The following RET variants were observed in gnomAD, a reference collection of about 807,000 sequenced individuals.
RET encodes the protein ret proto-oncogene, also known as proto-oncogene tyrosine-protein kinase receptor Ret.
A neutral mutation model predicts 118.3 loss-of-function variants in RET; 19 were observed. That is an observed-to-expected ratio of 0.16 (90% confidence interval 0.11 to 0.24). The LOEUF is 0.24. Among genes scored for constraint, RET ranks in the 10% least tolerant of loss-of-function variants. RET has a pLI of 1.00. For missense variants in RET, 1,219 were observed against 1,502.1 expected (o/e 0.81, Z 3.12); for synonymous variants, 597 against 644.1 (o/e 0.93, Z 1.11).
At chr10:43,123,376 A>G (rs1438329377) in intron 16 of RET, among the ~76,000 whole-genome samples, 1 of 152,200 alleles carries the variant, frequency 6.6e-6, no homozygotes, top group Non-Finnish European at 1.5e-5. Flanking sequence ...TAATTCATTA[A>G]TCATGAATTC....
Position 43,112,915 on chromosome 10 carries a change from G to A in RET, c.1711G>A (p.Asp571Asn), listed in dbSNP as rs750958377. The change falls in exon 9 of 20, where the codon GAT becomes AAT. Residue 571 changes from aspartate (D) to asparagine (N), a missense_variant. Transcript: ENST00000355710. ...STKTCPDGHC[D>N]VVETQDINIC... The stretch of plus-strand genomic sequence containing the variant: ...CAAGACCTGCCCCGACGGCCACTGC[G>A]ATGTTGTGGAGACCCAAGACATCAA... 4.3e-6 allele frequency: 7 copies of A among 1,614,140 alleles called. No homozygotes were observed. The Admixed American group carries it at 5.0e-5, about 12-fold the overall frequency.
At chr10:43,116,201 G>A (rs773252751) in intron 11 of RET, among the ~76,000 whole-genome samples, 5 of 152,226 alleles carry the variant, frequency 3.3e-5, no homozygotes, top group African/African-American at 7.2e-5. Flanking sequence ...ACATGGTGGC[G>A]CCTTTCTTTG....
intron 1 of RET, among the ~76,000 whole-genome samples, chr10:43,077,902 C>A (rs1427155275): frequency 2.0e-5 from 3 of 152,250 alleles, no homozygotes; most frequent in Non-Finnish European, 4.4e-5. Context: ...CTTTAAACAC[C>A]TAAAAACCGT....
At chr10:43,121,499 C>G (rs1287958850) in intron 15 of RET, among the ~76,000 whole-genome samples, 1 of 152,166 alleles carries the variant, frequency 6.6e-6, no homozygotes, top group Non-Finnish European at 1.5e-5. Context: ...AACAGCCTCC[C>G]CCAAGGCACA....
intron 1 of RET, among the ~76,000 whole-genome samples, chr10:43,078,434 T>C (rs1310872192): frequency 6.6e-6 from 1 of 152,202 alleles, no homozygotes; most frequent in African/African-American, 2.4e-5. Context: ...GAGACTTCAT[T>C]TGTGTGACCT....
chr10:43,105,603 G>C (rs1837753240), intron 4 of RET, among the ~76,000 whole-genome samples: 1 of 152,168 alleles, frequency 6.6e-6, no homozygotes, highest in Non-Finnish European at 1.5e-5. Flanking sequence ...GATCACCTCC[G>C]GCGCCGCCCG....
In RET at chr10:43,106,649, T is replaced by TA; in HGVS notation, c.1063+79dup. On this transcript the variant is annotated intron_variant, in intron 5 of 19. Coordinates refer to ENST00000355710, the MANE Select transcript of RET (RefSeq NM_020975.6). The surrounding 1 kb of genome is among the most constrained non-coding windows in gnomAD (Gnocchi z 5.1). ...CGCTCTTCATGGGCAAGCAGCACCC[T>TA]ACACACATGCACACCTGGCATGGCC... The TA allele has an allele frequency of 7.0e-7, 1 of 1,431,258 alleles. No homozygotes were observed. Among genetic ancestry groups the TA allele is most frequent in the Non-Finnish European group, 9.7e-7 (1 of 1,035,714 alleles). 88.7% of individuals were successfully genotyped at this position (1,431,258 alleles called of 1,614,324 possible). A position where few individuals can be genotyped will look rare whatever the true frequency, so the allele number is the denominator to read the frequency against.
intron 1 of RET, among the ~76,000 whole-genome samples, chr10:43,087,633 C>T (rs758225983): frequency 3.7e-4 from 57 of 152,160 alleles, no homozygotes; most frequent in Non-Finnish European, 6.2e-4. Flanking sequence ...AGTGTGCTCC[C>T]GAAGAGGGGC....
At position 43,114,877 on chromosome 10, in the gene RET, T is replaced by C; in HGVS notation, c.2136+141T>C. On this transcript the variant is annotated intron_variant, in intron 11 of 19. Transcript: ENST00000355710. The surrounding 1 kb of genome is among the most constrained non-coding windows in gnomAD (Gnocchi z 4.6). ...ACGAGGCCTGTGTTCTGCCCCCATT[T>C]CCATAGGGCGCTGTGTGGGGACAGT... 1.1e-6 allele frequency: 1 copy of C among 898,780 alleles called. No individual in the cohort carries two copies. The highest frequency in any genetic ancestry group is 1.7e-6 in the Non-Finnish European group (1 of 605,882). 55.7% of individuals were successfully genotyped at this position (898,780 alleles called of 1,614,324 possible).
chr10:43,105,287 G>A (rs924998654), intron 4 of RET, 94 bp downstream of exon 4: 3 of 1,569,588 alleles, frequency 1.9e-6, no homozygotes, highest in African/African-American at 1.3e-5. Flanking sequence ...CCACCCAACC[G>A]TGTGGCCGAC....
chr10:43,087,056 G>A (rs1456808643), intron 1 of RET, among the ~76,000 whole-genome samples: 1 of 152,286 alleles, frequency 6.6e-6, no homozygotes, highest in Admixed American at 6.5e-5. Flanking sequence ...TACCATGGGT[G>A]TGCAGCGGGA....
chr10:43,100,956 C>T (rs1017916187), intron 2 of RET, among the ~76,000 whole-genome samples: 12 of 152,214 alleles, frequency 7.9e-5, no homozygotes, highest in Non-Finnish European at 1.5e-4. Flanking sequence ...GGGAATCATC[C>T]GGGTACACTC....
At chr10:43,101,429 C>T (rs1837640283) in intron 2 of RET, among the ~76,000 whole-genome samples, 1 of 152,272 alleles carries the variant, frequency 6.6e-6, no homozygotes, top group South Asian at 2.1e-4. Flanking sequence ...CCTACCCAGG[C>T]CTATCTGCCA....
intron 1 of RET, among the ~76,000 whole-genome samples, chr10:43,086,669 AAATT>A (rs1837294957): frequency 6.6e-6 from 1 of 152,266 alleles, no homozygotes; most frequent in African/African-American, 2.4e-5. Flanking sequence ...CCTAGGAAAG[AAATT>A]AATTATAACC....
rs762448300 is a variant in RET at position 43,123,771 on chromosome 10, C to T, written c.2902C>T (p.His968Tyr). Residue 968 changes from histidine to tyrosine, a missense_variant, in exon 17 of 20, where the codon CAC (histidine) becomes TAC (tyrosine). His to Tyr is a moderately conservative substitution (Grantham distance 83). Around this residue, in one of 5 missense-constraint regions of RET, gnomAD observed 73 missense variants for 156.5 expected, o/e 0.47. Coordinates refer to ENST00000355710, the MANE Select transcript of RET (RefSeq NM_020975.6). The stretch of plus-strand genomic sequence containing the variant: ...GCTCTTCAACCTTCTGAAGACCGGC[C>T]ACCGGATGGAGAGGCCAGACAACTG... ...ERLFNLLKTG[H>Y]RMERPDNCSE... The T allele has an allele frequency of 1.2e-6, 2 of 1,614,114 alleles. No individual in the cohort carries two copies. Among genetic ancestry groups the T allele is most frequent in the Middle Eastern group, 1.6e-4 (1 of 6,062 alleles).
chr10:43,089,837 T>TCATACTCTTGTTATC (rs1359743396), intron 1 of RET, among the ~76,000 whole-genome samples: 2 of 152,240 alleles, frequency 1.3e-5, no homozygotes, highest in African/African-American at 4.8e-5. Flanking sequence ...TCTGTCAGCC[T>TCATACTCTTGTTATC]CATACTCTTG....
At chr10:43,099,581 C>T (rs976409266) in intron 1 of RET, among the ~76,000 whole-genome samples, 15 of 152,004 alleles carry the variant, frequency 9.9e-5, no homozygotes, top group African/African-American at 2.9e-4. Context: ...ATAAGATGCA[C>T]GGACCTTAGC....
intron 2 of RET, among the ~76,000 whole-genome samples, chr10:43,100,987 T>A (rs1837631441): frequency 6.6e-6 from 1 of 152,196 alleles, no homozygotes; most frequent in Non-Finnish European, 1.5e-5. Context: ...CCCGAATCCC[T>A]CTTCCAGTGG....
rs1027420685 is a variant in RET, at chr10:43,106,933, T to C, written c.1063+362T>C. Among the ~76,000 whole-genome samples, 4 of 152,132 alleles carry C rather than the reference T, an allele frequency of 2.6e-5. No individual in the cohort carries two copies. Among genetic ancestry groups the C allele is most frequent in the African/African-American group, 9.7e-5 (4 of 41,416 alleles). ...ATCGTTGCCCCTAAGGCGTCCCAAG[T>C]GCTTACGGATTATTGCTCCAGCCTC... On this transcript the variant is annotated intron_variant, in intron 5 of 19. Coordinates refer to ENST00000355710, the MANE Select transcript of RET (RefSeq NM_020975.6). The surrounding 1 kb of genome is among the most constrained non-coding windows in gnomAD (Gnocchi z 5.1).
Sources: gnomAD v4.1 joint callset for allele counts (sites outside exome capture counted in the v4.1 genomes callset) on GRCh38, gnomAD v4.1.1 for gene constraint, gnomAD v4.1.1 regional missense constraint, Gnocchi (gnomAD v3.1) non-coding constraint, MANE v1.5 for transcripts, NCBI Gene and HGNC (gene_info 2026-07-23, HGNC 2026-07-21) for gene names.